Variants in CIMIP6 observed in about 807,000 individuals in gnomAD.
CIMIP6 encodes uncharacterized protein C2orf73.
At chr2:54,354,467 C>T in the CIMIP6 span, among the ~76,000 whole-genome samples, 2 of 152,052 alleles carry the variant, frequency 1.3e-5, no homozygotes, top group South Asian at 4.1e-4. Context: ...TATTCAAGAG[C>T]ATAGAATGTC....
the CIMIP6 span, among the ~76,000 whole-genome samples, chr2:54,346,482 T>C: frequency 6.6e-6 from 1 of 152,162 alleles, no homozygotes; most frequent in Admixed American, 6.6e-5. Flanking sequence ...GGATAGCTAG[T>C]CACCTTTTCA....
the CIMIP6 span, among the ~76,000 whole-genome samples, chr2:54,375,548 A>G: frequency 6.6e-6 from 1 of 152,212 alleles, no homozygotes; most frequent in Non-Finnish European, 1.5e-5. Flanking sequence ...CAATTTGACA[A>G]AAGTTATCAA....
the CIMIP6 span, among the ~76,000 whole-genome samples, chr2:54,369,467 T>C: frequency 6.6e-6 from 1 of 152,146 alleles, no homozygotes; most frequent in African/African-American, 2.4e-5. Flanking sequence ...CAACTCTACT[T>C]GGGTTGTGGG....
At chr2:54,358,396 T>G in the CIMIP6 span, among the ~76,000 whole-genome samples, 1 of 151,710 alleles carries the variant, frequency 6.6e-6, no homozygotes, top group Non-Finnish European at 1.5e-5. Context: ...AAAGCATATC[T>G]AACAATTTTT....
At chr2:54,337,814 G>A in the CIMIP6 span, among the ~76,000 whole-genome samples, 1 of 152,102 alleles carries the variant, frequency 6.6e-6, no homozygotes, top group African/African-American at 2.4e-5. Context: ...CTCAGATAAG[G>A]GAATCTGTCA....
the CIMIP6 span, among the ~76,000 whole-genome samples, chr2:54,357,178 T>C: frequency 2.0e-5 from 3 of 152,212 alleles, no homozygotes; most frequent in South Asian, 4.1e-4. Flanking sequence ...ACTTTTTTTA[T>C]ACTGCTAACT....
the CIMIP6 span, among the ~76,000 whole-genome samples, chr2:54,368,965 C>T: frequency 1.3e-5 from 2 of 152,108 alleles, no homozygotes; most frequent in African/African-American, 2.4e-5. Flanking sequence ...TATACAAGAG[C>T]TCTGGAGTGA....
the CIMIP6 span, among the ~76,000 whole-genome samples, chr2:54,371,627 T>C: frequency 6.6e-6 from 1 of 152,222 alleles, no homozygotes; most frequent in Non-Finnish European, 1.5e-5. Flanking sequence ...GTTCTCCACA[T>C]CTTGCTTCTA....
chr2:54,370,897 T>G, the CIMIP6 span, among the ~76,000 whole-genome samples: 3 of 152,214 alleles, frequency 2.0e-5, no homozygotes, highest in Non-Finnish European at 4.4e-5. Flanking sequence ...GTTTTTATTG[T>G]TAGCAAATGT....
At chr2:54,351,667 T>A in the CIMIP6 span, among the ~76,000 whole-genome samples, 1 of 152,070 alleles carries the variant, frequency 6.6e-6, no homozygotes, top group South Asian at 2.1e-4. Context: ...AACTAATGGG[T>A]ACTAGGCTTA....
At chr2:54,361,564 T>C in the CIMIP6 span, 1 of 152,178 alleles carries the variant, frequency 6.6e-6, no homozygotes, top group Non-Finnish European at 1.5e-5. Context: ...ATTAAAGAAA[T>C]TGTGATAAAC....
the CIMIP6 span, among the ~76,000 whole-genome samples, chr2:54,355,082 T>G: frequency 6.6e-6 from 1 of 152,190 alleles, no homozygotes; most frequent in African/African-American, 2.4e-5. Context: ...TTTGAAATTT[T>G]GGCTTCACAG....
the CIMIP6 span, chr2:54,360,429 G>C: frequency 6.3e-7 from 1 of 1,598,888 alleles, no homozygotes; most frequent in African/African-American, 1.3e-5. Flanking sequence ...ACAGACGTCA[G>C]ACAGGCAGCC....
chr2:54,380,229 T>C, the CIMIP6 span, among the ~76,000 whole-genome samples: 2 of 152,170 alleles, frequency 1.3e-5, no homozygotes, highest in Admixed American at 1.3e-4. Flanking sequence ...TGATACCTCC[T>C]TTGACGTTTA....
At chr2:54,334,398 C>A in the CIMIP6 span, among the ~76,000 whole-genome samples, 1 of 152,076 alleles carries the variant, frequency 6.6e-6, no homozygotes, top group African/African-American at 2.4e-5. Flanking sequence ...TATCCTTGTC[C>A]AGATAGCTGT....
chr2:54,368,287 T>A, the CIMIP6 span, among the ~76,000 whole-genome samples: 10 of 151,746 alleles, frequency 6.6e-5, no homozygotes, highest in Non-Finnish European at 1.0e-4. Context: ...AGTTAAAATT[T>A]CTTTGAAAGC....
the CIMIP6 span, chr2:54,381,879 C>G: frequency 9.0e-6 from 14 of 1,549,840 alleles, no homozygotes; most frequent in South Asian, 2.4e-5. Flanking sequence ...AAGACTGTAA[C>G]AGTGGTCCTG....
the CIMIP6 span, chr2:54,361,049 GT>G: frequency 6.6e-6 from 1 of 152,612 alleles, no homozygotes; most frequent in African/African-American, 2.4e-5. Flanking sequence ...TGATCAGTAA[GT>G]GGTCAATGTA....
the CIMIP6 span, among the ~76,000 whole-genome samples, chr2:54,369,501 A>C: frequency 6.6e-6 from 1 of 152,216 alleles, no homozygotes; most frequent in South Asian, 2.1e-4. Context: ...CACATTAAGA[A>C]AGAAAACTGA....
Sources: gnomAD v4.1 joint callset for allele counts (sites outside exome capture counted in the v4.1 genomes callset) on GRCh38, gnomAD v4.1.1 for gene constraint, MANE v1.5 for transcripts, NCBI Gene and HGNC (gene_info 2026-07-23, HGNC 2026-07-21) for gene names.